Variants in CDH5 observed in about 807,000 individuals in gnomAD.
CDH5 encodes cadherin-5.
In CDH5, 28 loss-of-function variants were observed where a neutral mutation model predicts 62.0. That is an observed-to-expected ratio of 0.45 (90% CI 0.33 to 0.62). The LOEUF (loss-of-function observed/expected upper bound fraction) is 0.62. Among genes scored for constraint, CDH5 ranks in the 20% least tolerant of loss-of-function variants. The pLI is 0.02. For synonymous variants in CDH5, 464 were observed against 445.8 expected (o/e 1.04, Z -0.52); for missense variants, 940 against 1,065.1 (o/e 0.88, Z 1.63).
rs35435487 is a variant in CDH5, at chr16:66,384,078, C to CTTTT, written c.211-2710_211-2707dup. On this transcript the variant is annotated intron_variant, in intron 2 of 11. Coordinates refer to ENST00000341529, the MANE Select transcript of CDH5 (RefSeq NM_001795.5). ...CTTGAGTTCTCTGGAGGAGTCCAGCCTTTTTTTTTTTTTTTTTTTTTTTTG... is the reference window on the plus strand; with the variant it reads ...CTTGAGTTCTCTGGAGGAGTCCAGCCTTTTTTTTTTTTTTTTTTTTTTTTTTTTG... 4.1e-3 allele frequency among the ~76,000 whole-genome samples: 296 copies of CTTTT among 71,362 alleles called. 11 individuals carry two copies. Among genetic ancestry groups the CTTTT allele is most frequent in the South Asian group, 6.6e-3 (11 of 1,678 alleles). 46.8% of individuals were successfully genotyped at this position (71,362 alleles called of 152,430 possible).
rs1199465018 is a variant in CDH5, at chr16:66,403,022, C to T, written c.2208C>T (p.Ser736=). ...DTLHIYGYEG[S]ESIAESLSSL... is the part of the protein sequence containing the mutation. ...TGCACATCTACGGCTACGAGGGCTC[C>T]GAGTCCATAGCCGAGTCCCTCAGCT... Residue 736 remains serine, a synonymous_variant, in exon 12 of 12, where the codon TCC becomes TCT. Coordinates refer to ENST00000341529, the MANE Select transcript of CDH5 (RefSeq NM_001795.5). The surrounding 1 kb of genome is among the most constrained non-coding windows in gnomAD (Gnocchi z 4.3). 6.2e-7 allele frequency: 1 copy of T among 1,613,272 alleles called. No individual in the cohort carries two copies. The highest frequency in any genetic ancestry group is 8.5e-7 in the Non-Finnish European group (1 of 1,179,758).
intron 8 of CDH5, among the ~76,000 whole-genome samples, chr16:66,396,629 G>A (rs1030683145): frequency 6.6e-6 from 1 of 152,146 alleles, no homozygotes; most frequent in Non-Finnish European, 1.5e-5. Flanking sequence ...TTTGGGAAAT[G>A]TTCCTTCAGA....
chr16:66,381,818 G>T (rs1960903930), intron 2 of CDH5, among the ~76,000 whole-genome samples: 1 of 152,224 alleles, frequency 6.6e-6, no homozygotes, highest in African/African-American at 2.4e-5. Context: ...TCTACAGATT[G>T]CCCGCAGCTG....
At chr16:66,392,480 G>C in intron 7 of CDH5, 97 bp downstream of exon 7, 2 of 1,482,596 alleles carry the variant, frequency 1.3e-6, no homozygotes, top group Non-Finnish European at 1.8e-6. Flanking sequence ...AGGGGAACTG[G>C]CTTCTCCTAG....
intron 4 of CDH5, 117 bp downstream of exon 4, chr16:66,388,557 C>T (rs1011706780): frequency 7.1e-6 from 5 of 701,966 alleles, no homozygotes; most frequent in Non-Finnish European, 1.0e-5. Context: ...AGCTACTGAA[C>T]CACACTGTAC....
chr16:66,392,541 C>A, intron 7 of CDH5, 158 bp downstream of exon 7: 3 of 1,001,330 alleles, frequency 3.0e-6, no homozygotes, highest in Non-Finnish European at 4.3e-6. Flanking sequence ...AGCTCTTGCA[C>A]TTGGCAGCCT....
At chr16:66,392,088 A>C in intron 6 of CDH5, 48 bp from the exon 7 acceptor site, 1 of 1,610,880 alleles carries the variant, frequency 6.2e-7, no homozygotes, top group Non-Finnish European at 8.5e-7. Context: ...TGTGCCACAC[A>C]CATGCTTGGC....
intron 1 of CDH5, among the ~76,000 whole-genome samples, chr16:66,371,415 G>C (rs1244156329): frequency 1.3e-5 from 2 of 152,134 alleles, no homozygotes; most frequent in Non-Finnish European, 2.9e-5. Context: ...CAGGCCTCTG[G>C]GCTGGAGTCC....
chr16:66,371,810 C>T (rs1377557466), intron 1 of CDH5, among the ~76,000 whole-genome samples: 4 of 152,180 alleles, frequency 2.6e-5, no homozygotes, highest in South Asian at 4.1e-4. Flanking sequence ...AGGGGCTGGA[C>T]CAGCCCATTG....
intron 1 of CDH5, among the ~76,000 whole-genome samples, chr16:66,375,933 C>T (rs959407353): frequency 4.0e-5 from 6 of 151,824 alleles, no homozygotes; most frequent in Admixed American, 1.3e-4. Flanking sequence ...AAGGTGAAAC[C>T]CCGTCTCTAC....
At chr16:66,401,145 A>C in intron 11 of CDH5, 129 bp downstream of exon 11, 1 of 1,216,646 alleles carries the variant, frequency 8.2e-7, no homozygotes, top group South Asian at 1.4e-5. Flanking sequence ...CCAATCTGCA[A>C]TGCAGCCCTT....
intron 1 of CDH5, among the ~76,000 whole-genome samples, chr16:66,374,707 T>G (rs1431197624): frequency 6.6e-6 from 1 of 151,990 alleles, no homozygotes; most frequent in Non-Finnish European, 1.5e-5. Context: ...TTTTTTTTTT[T>G]TCAAATCAAG....
Position 66,392,517 on chromosome 16 carries a change from A to T in CDH5, c.1217+134A>T, listed in dbSNP as rs1199992703. 18 of 1,266,156 alleles carry T rather than the reference A, an allele frequency of 1.4e-5. No homozygotes were observed. The African/African-American group carries it at 2.5e-4, about 18-fold the overall frequency. The allele number at this position is 1,266,156 out of a possible 1,614,324, so 78.4% of individuals were successfully genotyped here. On this transcript the variant is annotated intron_variant, in intron 7 of 11. Coordinates refer to ENST00000341529, the MANE Select transcript of CDH5 (RefSeq NM_001795.5). ...ACTTACAGGGAAAGTGACAGAGGCA[A>T]GACCAGAAGCCCAAGCTCTTGCACT...
chr16:66,386,719 A>G (rs1960989469), intron 2 of CDH5, 90 bp from the exon 3 acceptor site: 1 of 1,189,440 alleles, frequency 8.4e-7, no homozygotes, highest in Non-Finnish European at 1.2e-6. Context: ...ACACATGCAC[A>G]GGCACACCTG....
Position 66,392,241 on chromosome 16 carries a change from G to C in CDH5, c.1075G>C (p.Val359Leu). The C allele has an allele frequency of 6.2e-7, 1 of 1,614,030 alleles. No individual in the cohort carries two copies. Among genetic ancestry groups the C allele is most frequent in the South Asian group, 1.1e-5 (1 of 91,050 alleles). ...MSPPAGNRAQ[V>L]IINITDVDEP... ...CCCTCCCGCGGGAAACAGAGCCCAG[G>C]TCATTATCAACATCACAGATGTGGA... Residue 359 changes from valine to leucine, a missense_variant, in exon 7 of 12, where the codon GTC (valine) becomes CTC (leucine). Val to Leu is a conservative substitution (Grantham distance 32, BLOSUM62 1). Transcript: ENST00000341529.
chr16:66,390,256 A>G, intron 5 of CDH5, 147 bp from the exon 6 acceptor site: 1 of 614,550 alleles, frequency 1.6e-6, no homozygotes. Flanking sequence ...GACCCTCTTT[A>G]CCTTGAGAAT....
At chr16:66,398,658 G>T (rs1465626934) in intron 10 of CDH5, 97 bp downstream of exon 10, 1 of 672,230 alleles carries the variant, frequency 1.5e-6, no homozygotes, top group African/African-American at 1.8e-5. Context: ...CTTGAGCCCA[G>T]GAGTTTGAGG....
At chr16:66,379,883 A>G (rs1260040263) in intron 2 of CDH5, among the ~76,000 whole-genome samples, 4 of 120,746 alleles carry the variant, frequency 3.3e-5, no homozygotes, top group Non-Finnish European at 7.1e-5. Flanking sequence ...GGTGGCTGTG[A>G]TGGTGGTGAT....
chr16:66,378,968 G>C (rs1416933595), intron 1 of CDH5, among the ~76,000 whole-genome samples: 1 of 152,144 alleles, frequency 6.6e-6, no homozygotes, highest in Non-Finnish European at 1.5e-5. Flanking sequence ...GAAATTTTAG[G>C]GAAAGGACGC....
Sources: gnomAD v4.1 joint callset for allele counts (sites outside exome capture counted in the v4.1 genomes callset) on GRCh38, gnomAD v4.1.1 for gene constraint, Gnocchi (gnomAD v3.1) non-coding constraint, MANE v1.5 for transcripts, NCBI Gene and HGNC (gene_info 2026-07-23, HGNC 2026-07-21) for gene names.